The following PDE4D variants were observed in gnomAD, a reference collection of about 807,000 sequenced individuals.
The protein encoded by PDE4D is phosphodiesterase 4D.
Under a neutral mutation model 87.4 loss-of-function variants are expected in PDE4D, and 24 were observed. That is an observed-to-expected ratio of 0.27 (90% confidence interval 0.20 to 0.39). PDE4D has a LOEUF of 0.39. Among genes scored for constraint, PDE4D ranks in the 10% least tolerant of loss-of-function variants. PDE4D has a pLI of 1.00. For missense variants in PDE4D, 714 were observed against 1,041.0 expected (o/e 0.69, Z 4.32); for synonymous variants, 384 against 383.2 (o/e 1.00, Z -0.02).
At chr5:60,030,825 T>A (rs1186702920) in intron 2 of PDE4D, 1 of 152,196 alleles carries the variant, frequency 6.6e-6, no homozygotes, top group East Asian at 1.9e-4. Flanking sequence ...AGTGGCCTAT[T>A]AATTTTTGCT....
At chr5:60,430,960 C>T (rs1337372113) in intron 1 of PDE4D, 1 of 285,342 alleles carries the variant, frequency 3.5e-6, no homozygotes, top group East Asian at 1.3e-4. Context: ...ACAGACACAG[C>T]AACCATCCGA....
At chr5:59,828,136 A>T (rs1405786245) in intron 1 of PDE4D, among the ~76,000 whole-genome samples, 1 of 151,404 alleles carries the variant, frequency 6.6e-6, no homozygotes, top group Non-Finnish European at 1.5e-5. Context: ...AGGCCAAGTT[A>T]AAAAAAAATC....
chr5:59,683,078 C>T (rs1749292379), intron 1 of PDE4D, among the ~76,000 whole-genome samples: 3 of 152,058 alleles, frequency 2.0e-5, no homozygotes, highest in South Asian at 4.1e-4. Flanking sequence ...TGTTAATTTG[C>T]TAATTTTAAC....
At chr5:59,876,899 G>A (rs1184615390) in intron 1 of PDE4D, among the ~76,000 whole-genome samples, 1 of 152,080 alleles carries the variant, frequency 6.6e-6, no homozygotes, top group Non-Finnish European at 1.5e-5. Context: ...AAAGGAAAAG[G>A]ATAGGACAAC....
At chr5:59,061,522 G>A (rs1216979364) in intron 5 of PDE4D, among the ~76,000 whole-genome samples, 2 of 152,052 alleles carry the variant, frequency 1.3e-5, no homozygotes, top group South Asian at 2.1e-4. Context: ...TACATTGTCA[G>A]TGAGTCAGCC....
chr5:60,315,315 CT>C (rs1755459436), intron 1 of PDE4D, among the ~76,000 whole-genome samples: 1 of 152,134 alleles, frequency 6.6e-6, no homozygotes, highest in Non-Finnish European at 1.5e-5. Flanking sequence ...TATCCTTCGC[CT>C]ATTTGTTGAT....
intron 1 of PDE4D, among the ~76,000 whole-genome samples, chr5:60,510,510 G>A (rs1750522707): frequency 6.6e-6 from 1 of 152,074 alleles, no homozygotes. Context: ...GGCAAGAAAT[G>A]GCTAAAAAAA....
chr5:59,715,606 C>T (rs114711033), intron 1 of PDE4D, among the ~76,000 whole-genome samples: 132 of 152,284 alleles, frequency 8.7e-4, no homozygotes, highest in African/African-American at 3.1e-3. Flanking sequence ...TGTGGTCTAT[C>T]GAGGCTTAAC....
chr5:60,372,314 T>C (rs1368735920), intron 1 of PDE4D, among the ~76,000 whole-genome samples: 2 of 152,218 alleles, frequency 1.3e-5, no homozygotes, highest in African/African-American at 2.4e-5. Context: ...GGTTACCACC[T>C]GCAAGGAATG....
chr5:59,646,782 T>A (rs1164211771), intron 1 of PDE4D, among the ~76,000 whole-genome samples: 1 of 152,138 alleles, frequency 6.6e-6, no homozygotes, highest in Non-Finnish European at 1.5e-5. Context: ...ACACCTGTAA[T>A]TCCAGCACTT....
At chr5:60,277,880 T>A (rs1751533973) in intron 1 of PDE4D, among the ~76,000 whole-genome samples, 1 of 152,140 alleles carries the variant, frequency 6.6e-6, no homozygotes, top group Admixed American at 6.5e-5. Flanking sequence ...TCCACACTTA[T>A]AATTCCCTTA....
intron 5 of PDE4D, among the ~76,000 whole-genome samples, chr5:59,168,455 C>T (rs1408269055): frequency 6.6e-6 from 1 of 152,186 alleles, no homozygotes; most frequent in Non-Finnish European, 1.5e-5. Context: ...ACGGGCACTT[C>T]AGAAGAGTCA....
intron 1 of PDE4D, among the ~76,000 whole-genome samples, chr5:59,523,291 TG>T (rs1812547286): frequency 6.6e-6 from 1 of 152,268 alleles, no homozygotes; most frequent in Non-Finnish European, 1.5e-5. Flanking sequence ...AGGGATGTTT[TG>T]TGAATTTTTA....
At chr5:59,195,927 ACAGGTCT>A (rs1745364165) in intron 2 of PDE4D, among the ~76,000 whole-genome samples, 1 of 152,168 alleles carries the variant, frequency 6.6e-6, no homozygotes, top group Non-Finnish European at 1.5e-5. Context: ...AGACCCTGTG[ACAGGTCT>A]ATAAAAGATT....
At chr5:60,067,188 C>A (rs985598446) in intron 2 of PDE4D, among the ~76,000 whole-genome samples, 1 of 152,036 alleles carries the variant, frequency 6.6e-6, no homozygotes, top group Admixed American at 6.6e-5. Context: ...AGTTCTATAT[C>A]TTTCATTGTT....
rs149384702 is a variant in PDE4D, at chr5:59,712,925, C to T, written c.455+180243G>A. 2.1e-3 allele frequency among the ~76,000 whole-genome samples: 319 copies of T among 152,026 alleles called. 3 individuals carry two copies. The highest frequency in any genetic ancestry group is 3.7e-3 in the Non-Finnish European group (249 of 67,972). On this transcript the variant is annotated intron_variant, in intron 1 of 14. Coordinates refer to ENST00000340635, the MANE Select transcript of PDE4D (RefSeq NM_001104631.2). ...TTAAAGAATTTTTGAGTGAATAGTC[C>T]AGTATAAATGTTTTACTATAACACT...
chr5:59,538,158 C>T (rs1308631149), intron 1 of PDE4D, among the ~76,000 whole-genome samples: 1 of 152,190 alleles, frequency 6.6e-6, no homozygotes. Context: ...TAAAATTCTG[C>T]AACGCTAAAA....
At chr5:60,053,072 C>T (rs894832080) in intron 2 of PDE4D, among the ~76,000 whole-genome samples, 2 of 152,194 alleles carry the variant, frequency 1.3e-5, no homozygotes, top group Non-Finnish European at 2.9e-5. Context: ...ATTCCATGCT[C>T]ACTGATAAAA....
chr5:60,511,095 A>G (rs1583963366), intron 1 of PDE4D, among the ~76,000 whole-genome samples: 1 of 152,100 alleles, frequency 6.6e-6, no homozygotes, highest in South Asian at 2.1e-4. Context: ...TCAACCTCCC[A>G]AGTAGCTGGG....
Sources: gnomAD v4.1 joint callset for allele counts (sites outside exome capture counted in the v4.1 genomes callset) on GRCh38, gnomAD v4.1.1 for gene constraint, MANE v1.5 for transcripts, NCBI Gene and HGNC (gene_info 2026-07-23, HGNC 2026-07-21) for gene names.